DLGAP1: variants seen among roughly 807,000 people sequenced by gnomAD.
The protein encoded by DLGAP1 is disks large-associated protein 1.
Under a neutral mutation model 90.8 loss-of-function variants are expected in DLGAP1, and 11 were observed. That is an observed-to-expected ratio of 0.12 (90% confidence interval 0.08 to 0.20). The LOEUF (loss-of-function observed/expected upper bound fraction) is 0.20, where lower values mean the gene tolerates loss of function less well. Among genes scored for constraint, DLGAP1 ranks in the 10% least tolerant of loss-of-function variants. DLGAP1 has a pLI of 1.00. For synonymous variants in DLGAP1, 558 were observed against 540.7 expected, an observed-to-expected ratio of 1.03 and a Z score of -0.44; for missense variants, 1,050 against 1,333.8, an observed-to-expected ratio of 0.79 and a Z score of 3.31.
intron 1 of DLGAP1, among the ~76,000 whole-genome samples, chr18:4,425,238 T>C (rs1598401012): frequency 6.6e-6 from 1 of 152,198 alleles, no homozygotes; most frequent in Non-Finnish European, 1.5e-5. Flanking sequence ...CAAAGCAACA[T>C]ACTTTACATT....
intron 3 of DLGAP1, among the ~76,000 whole-genome samples, chr18:3,976,729 T>C (rs2073588742): frequency 6.6e-6 from 1 of 152,222 alleles, no homozygotes; most frequent in African/African-American, 2.4e-5. Flanking sequence ...AATGAAATCA[T>C]GGAGTTAAAG....
intron 1 of DLGAP1, among the ~76,000 whole-genome samples, chr18:4,204,292 C>T (rs769628804): frequency 3.9e-5 from 6 of 152,166 alleles, no homozygotes; most frequent in African/African-American, 7.2e-5. Context: ...CAGATTGCTT[C>T]GCTTTCCATA....
chr18:3,905,039 C>A (rs1354343907), intron 3 of DLGAP1, among the ~76,000 whole-genome samples: 1 of 150,394 alleles, frequency 6.6e-6, no homozygotes, highest in Non-Finnish European at 1.5e-5. Flanking sequence ...TAGTTCTTAC[C>A]CTGACATTAG....
chr18:3,912,504 A>C (rs192840617), intron 3 of DLGAP1, among the ~76,000 whole-genome samples: 2 of 152,362 alleles, frequency 1.3e-5, no homozygotes, highest in Admixed American at 1.3e-4. Flanking sequence ...ACCAAATACA[A>C]AGCCCTTCCC....
intron 2 of DLGAP1, among the ~76,000 whole-genome samples, chr18:4,025,470 A>C (rs1447478627): frequency 6.6e-6 from 1 of 152,270 alleles, no homozygotes; most frequent in East Asian, 1.9e-4. Context: ...CAAGCATCTC[A>C]GATAAGGGAC....
intron 2 of DLGAP1, among the ~76,000 whole-genome samples, chr18:4,029,900 CTTTGA>C (rs2149127612): frequency 6.6e-6 from 1 of 152,260 alleles, no homozygotes; most frequent in African/African-American, 2.4e-5. Flanking sequence ...TTTTGGTTTT[CTTTGA>C]TTTGTTCTTT....
intron 7 of DLGAP1, among the ~76,000 whole-genome samples, chr18:3,628,271 C>G (rs1217427014): frequency 6.7e-6 from 1 of 149,924 alleles, no homozygotes; most frequent in Non-Finnish European, 1.5e-5. Context: ...CTCGCTGTAA[C>G]CTCTGCCTCC....
rs10606915 is a variant in DLGAP1 at position 3,636,726 on chromosome 18, C to CTT, written c.1592-54480_1592-54479dup. Among the ~76,000 whole-genome samples, 463 of 121,240 alleles carry CTT rather than the reference C, an allele frequency of 3.8e-3. 4 individuals are homozygous for CTT. The highest frequency in any genetic ancestry group is 0.021 in the South Asian group (77 of 3,638). The allele number at this position is 121,240 out of a possible 152,430, so 79.5% of individuals were successfully genotyped here. A position where few individuals can be genotyped will look rare whatever the true frequency, so the allele number is the denominator to read the frequency against. The stretch of plus-strand genomic sequence containing the variant: ...CCACCATGCTCGGCCACTTTTACAT[C>CTT]TTTTTTTTTTTTTTTTTGAGATGGG... On this transcript the variant is annotated intron_variant, in intron 7 of 12. Transcript: ENST00000315677.
At chr18:4,224,188 A>G (rs1399598890) in intron 1 of DLGAP1, among the ~76,000 whole-genome samples, 2 of 152,208 alleles carry the variant, frequency 1.3e-5, no homozygotes, top group East Asian at 3.9e-4. Context: ...CAGCAGCAGT[A>G]GCCAGGTAGC....
At chr18:4,381,623 G>A (rs917321376) in intron 1 of DLGAP1, among the ~76,000 whole-genome samples, 4 of 152,084 alleles carry the variant, frequency 2.6e-5, no homozygotes, top group East Asian at 3.9e-4. Context: ...GGAGTCCCCC[G>A]TTTCCTACTC....
In DLGAP1 at chr18:3,582,117, C is replaced by T. The variant is rs752990499; in HGVS notation, c.1723G>A (p.Gly575Ser). ...SAQDAYMDGQ[G>S]QRGDIISQSG... Reference sequence around the variant, plus strand: ...TGGCTGATAATATCTCCTCGCTGGCCCTGTCCGTCCATGTAGGCATCCTGG... The same window carrying T: ...TGGCTGATAATATCTCCTCGCTGGCTCTGTCCGTCCATGTAGGCATCCTGG... Residue 575 changes from glycine to serine, a missense_variant, in exon 8 of 13, where the codon GGC (glycine) becomes AGC (serine). Transcript: ENST00000315677. The T allele has an allele frequency of 3.7e-6, 6 of 1,613,542 alleles. No homozygotes were observed. The African/African-American group carries it at 8.0e-5, about 22-fold the overall frequency.
At chr18:4,387,953 A>ACACACACACACC in intron 1 of DLGAP1, among the ~76,000 whole-genome samples, 1 of 150,892 alleles carries the variant, frequency 6.6e-6, no homozygotes, top group African/African-American at 2.5e-5. Context: ...ACACACACAC[A>ACACACACACACC]CACACACACA....
At chr18:4,201,392 T>C (rs564280085) in intron 1 of DLGAP1, among the ~76,000 whole-genome samples, 14 of 152,256 alleles carry the variant, frequency 9.2e-5, no homozygotes, top group Admixed American at 6.5e-4. Context: ...CTTTCCCCAA[T>C]GTATGATTTT....
chr18:3,563,465 T>A (rs1317050522), intron 9 of DLGAP1, among the ~76,000 whole-genome samples: 9 of 89,438 alleles, frequency 1.0e-4, no homozygotes, highest in Non-Finnish European at 1.5e-4. Flanking sequence ...GGCTTTTTTT[T>A]GTTTTTTTGG....
At chr18:3,577,144 C>T (rs952075537) in intron 8 of DLGAP1, among the ~76,000 whole-genome samples, 1 of 152,084 alleles carries the variant, frequency 6.6e-6, no homozygotes, top group Non-Finnish European at 1.5e-5. Flanking sequence ...TACAGGGGTG[C>T]GCCACCGTGC....
chr18:4,241,365 C>T (rs1029908278), intron 1 of DLGAP1, among the ~76,000 whole-genome samples: 3 of 152,172 alleles, frequency 2.0e-5, no homozygotes, highest in African/African-American at 7.2e-5. Context: ...CTGAGAAACA[C>T]ACTTCGCTTA....
At chr18:3,678,568 A>G (rs962968486) in intron 7 of DLGAP1, among the ~76,000 whole-genome samples, 2 of 152,144 alleles carry the variant, frequency 1.3e-5, no homozygotes, top group Admixed American at 6.6e-5. Context: ...TAGAGTCCCC[A>G]TTACATTAAA....
intron 2 of DLGAP1, among the ~76,000 whole-genome samples, chr18:4,009,356 T>C (rs1249157114): frequency 6.6e-6 from 1 of 152,248 alleles, no homozygotes. Flanking sequence ...AAAGCATTCA[T>C]TGAGATCCAT....
intron 3 of DLGAP1, among the ~76,000 whole-genome samples, chr18:3,881,369 G>A (rs2071163982): frequency 6.6e-6 from 1 of 152,150 alleles, no homozygotes; most frequent in Non-Finnish European, 1.5e-5. Context: ...AACTGGAGAG[G>A]GGCTCAGTTC....
Sources: gnomAD v4.1 joint callset for allele counts (sites outside exome capture counted in the v4.1 genomes callset) on GRCh38, gnomAD v4.1.1 for gene constraint, MANE v1.5 for transcripts, NCBI Gene and HGNC (gene_info 2026-07-23, HGNC 2026-07-21) for gene names.